MIB2: variants seen among roughly 807,000 people sequenced by gnomAD.
The protein encoded by MIB2 is E3 ubiquitin-protein ligase MIB2.
A neutral mutation model predicts 96.6 loss-of-function variants in MIB2; 78 were observed. That is an observed-to-expected ratio of 0.81 (90% confidence interval 0.67 to 0.97). MIB2 has a LOEUF of 0.97. Among genes scored for constraint, MIB2 ranks in the 50% least tolerant of loss-of-function variants. The probability of loss-of-function intolerance (pLI) is 0.00; values close to 1 mark genes in which losing one functional copy is unlikely to be tolerated. For synonymous variants in MIB2, 820 were observed against 629.5 expected (o/e 1.30, Z -4.53); for missense variants, 1,543 against 1,424.0 (o/e 1.08, Z -1.35).
In MIB2 at chr1:1,628,167, A is replaced by G. The variant is rs560339826; in HGVS notation, c.1829A>G (p.Lys610Arg). Residue 610 changes from lysine to arginine, a missense_variant, in exon 14 of 20, where the codon AAG (lysine) becomes AGG (arginine). Lys to Arg is a conservative substitution (Grantham distance 26). Coordinates refer to ENST00000355826, the MANE Select transcript of MIB2 (RefSeq NM_001170687.4). The part of the protein sequence containing the change: ...GFTLLHHASL[K>R]GHALAVRKIL... ...ACCCTGCTGCACCATGCCTCCCTCAAGGGTCACGCGCTGTGAGTGTGGGGT... is the reference window on the plus strand; with the variant it reads ...ACCCTGCTGCACCATGCCTCCCTCAGGGGTCACGCGCTGTGAGTGTGGGGT... 1 of 1,613,298 alleles carries G rather than the reference A, an allele frequency of 6.2e-7. No homozygotes were observed. The highest frequency in any genetic ancestry group is 1.1e-5 in the South Asian group (1 of 91,086).
In MIB2 at chr1:1,623,464, C is replaced by A. The variant is rs1264643200; in HGVS notation, c.12C>A (p.Asp4Glu). MDP[D>E]PQAGVQVGMR... ...CAGCCCCGCCCAACATGGACCCAGA[C>A]CCCCAGGCGGGCGTGCAGGTGGGCA... The change falls in exon 3 of 20, where the codon GAC (aspartate) becomes GAA (glutamate). Residue 4 changes from aspartate to glutamate, a missense_variant. Transcript: ENST00000355826. 1 of 1,596,704 alleles carries A rather than the reference C, an allele frequency of 6.3e-7. No individual in the cohort carries two copies. The highest frequency in any genetic ancestry group is 1.3e-5 in the African/African-American group (1 of 74,154).
Position 1,627,176 on chromosome 1 carries a change from C to G in MIB2, c.1343C>G (p.Ala448Gly). Residue 448 changes from alanine (A) to glycine (G), a missense_variant, in exon 11 of 20, where the codon GCT becomes GGT. By Grantham distance (60) the Ala-to-Gly change is moderately conservative. Coordinates refer to ENST00000355826, the MANE Select transcript of MIB2 (RefSeq NM_001170687.4). ...GTGGCGCTGGGTAACGCAGCCCGGG[C>G]TCTGGACCTGCTGCGGAGGCGCCCA... is the stretch of plus-strand genomic sequence containing the variant. ...VEVALGNAAR[A>G]LDLLRRRPEQ... The G allele has an allele frequency of 6.3e-7, 1 of 1,593,424 alleles. No homozygotes were observed.
chr1:1,623,745 A>C, intron 3 of MIB2, 29 bp from the exon 4 acceptor site: 1 of 1,543,100 alleles, frequency 6.5e-7, no homozygotes, highest in Non-Finnish European at 8.7e-7. Flanking sequence ...GGGGGCGGGA[A>C]CGCCCCTCTG....
intron 16 of MIB2, 168 bp from the exon 17 acceptor site, chr1:1,628,965 C>G (rs1414857392): frequency 7.8e-6 from 6 of 771,180 alleles, no homozygotes; most frequent in Non-Finnish European, 1.2e-5. Context: ...TCAGAGCTCA[C>G]CTAGCAGGGC....
chr1:1,627,909 C>T, intron 13 of MIB2, 80 bp downstream of exon 13: 1 of 1,597,928 alleles, frequency 6.3e-7, no homozygotes, highest in Non-Finnish European at 8.5e-7. Context: ...CCCATGTGTG[C>T]TGCTCCCTGG....
chr1:1,629,535 C>A lies in MIB2; in HGVS notation c.2532C>A (p.Phe844Leu). 1 of 1,545,430 alleles carries A rather than the reference C, an allele frequency of 6.5e-7. No individual in the cohort carries two copies. Among genetic ancestry groups the A allele is most frequent in the Non-Finnish European group, 8.7e-7 (1 of 1,149,500 alleles). Reference protein sequence around the residue: ...VCSELALLVLFSPCQHRTVCE... With the variant: ...VCSELALLVLLSPCQHRTVCE... ...CCGAGCTGGCGCTGCTGGTGCTGTT[C>A]TCGCCGTGCCAGCACCGCACCGTGT... The change falls in exon 18 of 20, where the codon TTC (phenylalanine) becomes TTA (leucine). Residue 844 changes from phenylalanine (F) to leucine (L), a missense_variant. By Grantham distance (22) the Phe-to-Leu change is conservative. Transcript: ENST00000355826.
At chr1:1,621,252 T>C (rs1644236107) in intron 2 of MIB2, among the ~76,000 whole-genome samples, 1 of 152,048 alleles carries the variant, frequency 6.6e-6, no homozygotes, top group African/African-American at 2.4e-5. Context: ...GGGTGGTGGG[T>C]GGGCTCCTGG....
rs1644435025 is a variant in MIB2 at position 1,623,391 on chromosome 1, C to T, written c.-22-40C>T. ...CTGAGAATACCCTCTGCCCACAGGT[C>T]CCGAGCAGCCCGGCCCACCATGGAC... On this transcript the variant is annotated intron_variant, in intron 2 of 19. Coordinates refer to ENST00000355826, the MANE Select transcript of MIB2 (RefSeq NM_001170687.4). 6.3e-6 allele frequency: 10 copies of T among 1,597,192 alleles called. No homozygotes were observed. The South Asian group carries it at 9.0e-5, about 14-fold the overall frequency.
At chr1:1,624,934 G>A (rs370245392) in intron 5 of MIB2, 33 bp downstream of exon 5, 2 of 1,608,478 alleles carry the variant, frequency 1.2e-6, no homozygotes, top group Non-Finnish European at 1.7e-6. Context: ...GGTCAGGGCT[G>A]GGCTGTGGCT....
Position 1,627,104 on chromosome 1 carries a change from G to A in MIB2, c.1271G>A (p.Arg424Gln), listed in dbSNP as rs746210044. The change falls in exon 11 of 20, where the codon CGG becomes CAG. Residue 424 changes from arginine to glutamine, a missense_variant. Physicochemically the swap from Arg to Gln is conservative, Grantham distance 43. Coordinates refer to ENST00000355826, the MANE Select transcript of MIB2 (RefSeq NM_001170687.4). Reference sequence around the variant, plus strand: ...CTGAGCGTGGCCCTGGACAAGCTTCGGGCCCAGAAGAGTGACCCAGAGCAC... The same window carrying A: ...CTGAGCGTGGCCCTGGACAAGCTTCAGGCCCAGAAGAGTGACCCAGAGCAC... Reference protein sequence around the residue: ...SSLSVALDKLRAQKSDPEHPG... With the variant: ...SSLSVALDKLQAQKSDPEHPG... 49 of 1,600,288 alleles carry A rather than the reference G, an allele frequency of 3.1e-5. No individual in the cohort carries two copies. The highest frequency in any genetic ancestry group is 2.1e-4 in the Admixed American group (12 of 57,822).
chr1:1,627,562 G>A, intron 12 of MIB2, 111 bp from the exon 13 acceptor site: 1 of 1,467,598 alleles, frequency 6.8e-7, no homozygotes, highest in Non-Finnish European at 9.0e-7. Flanking sequence ...GCCTGGGAGG[G>A]GCCCGGCGGG....
At chr1:1,622,065 G>T (rs1437957794) in intron 2 of MIB2, among the ~76,000 whole-genome samples, 3 of 152,246 alleles carry the variant, frequency 2.0e-5, no homozygotes, top group African/African-American at 7.2e-5. Flanking sequence ...GGGCTGGCCT[G>T]TGAGGCCCAG....
chr1:1,626,985 C>G lies in MIB2; in HGVS notation c.1226C>G (p.Ala409Gly), dbSNP rs1644846458. Reference protein sequence around the residue: ...EDANLDVAERARENKSSLSVA... With the variant: ...EDANLDVAERGRENKSSLSVA... ...GCCAACCTGGACGTGGCCGAGCGCG[C>G]CCGGGAGAACAAAAGTGCGGCACAG... The change falls in exon 10 of 20, where the codon GCC becomes GGC. Residue 409 changes from alanine (A) to glycine (G), a missense_variant. Physicochemically the swap from Ala to Gly is moderately conservative, Grantham distance 60 (BLOSUM62 0). Transcript: ENST00000355826. This position sits in a 1 kb window ranked among gnomAD's most constrained non-coding sequence, Gnocchi z 5.3. 1 of 1,611,356 alleles carries G rather than the reference C, an allele frequency of 6.2e-7. No individual in the cohort carries two copies. The highest frequency in any genetic ancestry group is 8.5e-7 in the Non-Finnish European group (1 of 1,179,362).
Position 1,627,842 on chromosome 1 carries a change from C to T in MIB2, c.1680+13C>T, listed in dbSNP as rs760480877. 3.1e-6 allele frequency: 5 copies of T among 1,592,444 alleles called. No homozygotes were observed. The East Asian group carries it at 8.9e-5, about 28-fold the overall frequency. On this transcript the variant is annotated intron_variant, in intron 13 of 19. Coordinates refer to ENST00000355826, the MANE Select transcript of MIB2 (RefSeq NM_001170687.4). Reference sequence around the variant, plus strand: ...CGTCAACCTGCCCGTGAGTGCTGCTCCCTGGCCTGGGTGCCCCCTGCCCGT... The same window carrying T: ...CGTCAACCTGCCCGTGAGTGCTGCTTCCTGGCCTGGGTGCCCCCTGCCCGT...
intron 2 of MIB2, among the ~76,000 whole-genome samples, chr1:1,619,720 T>C (rs1644081406): frequency 6.6e-6 from 1 of 152,176 alleles, no homozygotes; most frequent in Non-Finnish European, 1.5e-5. Context: ...CTGTCCAGGC[T>C]CGTCCCCCTT....
At position 1,627,137 on chromosome 1, in the gene MIB2, G is replaced by A; in HGVS notation, c.1304G>A (p.Arg435Lys). ...AAGAGTGACCCAGAGCACCCGGGAA[G>A]GCTGGTGGTGGAGGTGGCGCTGGGT... Reference protein sequence around the residue: ...AQKSDPEHPGRLVVEVALGNA... With the variant: ...AQKSDPEHPGKLVVEVALGNA... The change falls in exon 11 of 20, where the codon AGG (arginine) becomes AAG (lysine). Residue 435 changes from arginine to lysine, a missense_variant. Coordinates refer to ENST00000355826, the MANE Select transcript of MIB2 (RefSeq NM_001170687.4). 2 of 1,595,950 alleles carry A rather than the reference G, an allele frequency of 1.3e-6. No individual in the cohort carries two copies. The highest frequency in any genetic ancestry group is 1.7e-6 in the Non-Finnish European group (2 of 1,171,660).
In MIB2 at chr1:1,615,506, C is replaced by T. The variant is rs773884992; in HGVS notation, c.-257C>T. On this transcript the variant is annotated 5_prime_UTR_variant, in exon 1 of 20. Transcript: ENST00000355826. ...GGGCGGGCCCTGGGCTCCCGCCCTT[C>T]GGGTCCCACAGTTTCCAGCCGCCGC... is the stretch of plus-strand genomic sequence containing the variant. 29 of 1,528,270 alleles carry T rather than the reference C, an allele frequency of 1.9e-5. No individual in the cohort carries two copies. Among genetic ancestry groups the T allele is most frequent in the South Asian group, 8.4e-5 (7 of 82,890 alleles). The allele number at this position is 1,528,270 out of a possible 1,614,324, so 94.7% of individuals were successfully genotyped here. A position where few individuals can be genotyped will look rare whatever the true frequency, so the allele number is the denominator to read the frequency against.
At chr1:1,617,302 A>G (rs1029034409) in intron 2 of MIB2, 1 of 152,280 alleles carries the variant, frequency 6.6e-6, no homozygotes, top group African/African-American at 2.4e-5. Context: ...AATAAAGGCA[A>G]TTTGCTAACT....
Position 1,625,663 on chromosome 1 carries a change from G to A in MIB2, c.972+10G>A, listed in dbSNP as rs1433702975. The A allele has an allele frequency of 1.9e-6, 3 of 1,549,512 alleles. No individual in the cohort carries two copies. The highest frequency in any genetic ancestry group is 2.6e-6 in the Non-Finnish European group (3 of 1,145,600). ...CGGGGCGCTCACCAAGGTGCCGGGG[G>A]GGCTGGGCTGCGCCTCATCTGCTTG... is the stretch of plus-strand genomic sequence containing the variant. On this transcript the variant is annotated intron_variant, in intron 8 of 19. Transcript: ENST00000355826. The surrounding 1 kb of genome is among the most constrained non-coding windows in gnomAD (Gnocchi z 5.0).
Sources: gnomAD v4.1 joint callset for allele counts (sites outside exome capture counted in the v4.1 genomes callset) on GRCh38, gnomAD v4.1.1 for gene constraint, Gnocchi (gnomAD v3.1) non-coding constraint, MANE v1.5 for transcripts, NCBI Gene and HGNC (gene_info 2026-07-23, HGNC 2026-07-21) for gene names.